The following FAM13A variants were observed in gnomAD, a reference collection of about 807,000 sequenced individuals.
FAM13A encodes family with sequence similarity 13 member A, also known as protein FAM13A.
Under a neutral mutation model 129.6 loss-of-function variants are expected in FAM13A, and 76 were observed. The ratio of observed to expected loss-of-function variants is 0.59; its 90% CI spans 0.49 to 0.71. The LOEUF (loss-of-function observed/expected upper bound fraction) is 0.71, where lower values mean the gene tolerates loss of function less well. Among genes scored for constraint, FAM13A ranks in the 30% least tolerant of loss-of-function variants. FAM13A has a pLI of 0.00. For synonymous variants in FAM13A, 443 were observed against 449.9 expected (o/e 0.98, Z 0.20); for missense variants, 1,108 against 1,249.3 (o/e 0.89, Z 1.70).
chr4:88,812,491 A>G lies in FAM13A; in HGVS notation c.1008-7439T>C, dbSNP rs1036081271. ...AACATATCTCTACAAACCTCATTGC[A>G]CTTTTGCAACTCTTTCCATTTGTAC... On this transcript the variant is annotated intron_variant, in intron 7 of 23. Transcript: ENST00000264344. Among the ~76,000 whole-genome samples, 6 of 152,262 alleles carry G rather than the reference A, an allele frequency of 3.9e-5. No individual in the cohort carries two copies. In the East Asian group the frequency reaches 1.2e-3, roughly 29 times the overall value.
At chr4:88,832,796 T>A (rs150759961) in intron 7 of FAM13A, among the ~76,000 whole-genome samples, 1,670 of 152,282 alleles carry the variant, frequency 0.011, 34 homozygotes, top group African/African-American at 0.038. Flanking sequence ...TGTAAACTAG[T>A]TCAACCATTG....
At chr4:88,795,589 A>G (rs1223849764) in intron 8 of FAM13A, among the ~76,000 whole-genome samples, 1 of 151,846 alleles carries the variant, frequency 6.6e-6, no homozygotes, top group Non-Finnish European at 1.5e-5. Flanking sequence ...AAAATTGAAG[A>G]GCAGAGAATT....
intron 23 of FAM13A, among the ~76,000 whole-genome samples, chr4:88,730,842 C>T (rs1737571624): frequency 1.3e-5 from 2 of 152,130 alleles, no homozygotes; most frequent in Admixed American, 1.3e-4. Context: ...CACTCTATTG[C>T]CCAGAATAGA....
intron 1 of FAM13A, among the ~76,000 whole-genome samples, chr4:89,034,872 A>C (rs542849242): frequency 2.0e-5 from 3 of 152,294 alleles, no homozygotes; most frequent in East Asian, 3.9e-4. Context: ...ACAGAGTGAG[A>C]CTGTCTGAAA....
chr4:88,800,591 AG>A (rs1727234911), intron 8 of FAM13A, among the ~76,000 whole-genome samples: 1 of 151,416 alleles, frequency 6.6e-6, no homozygotes, highest in South Asian at 2.1e-4. Flanking sequence ...AGGCTGAGGC[AG>A]GAGAATCACT....
chr4:89,016,625 T>G (rs1397070514), intron 3 of FAM13A, among the ~76,000 whole-genome samples: 5 of 152,142 alleles, frequency 3.3e-5, no homozygotes, highest in Non-Finnish European at 1.5e-5. Context: ...GTACCTTTTC[T>G]GTTTTCTTTT....
At chr4:88,937,945 T>C (rs190207120) in intron 5 of FAM13A, 143 bp downstream of exon 5, 81 of 613,528 alleles carry the variant, frequency 1.3e-4, no homozygotes, top group Admixed American at 4.6e-4. Context: ...TTTGGAATAA[T>C]AGATTTCATA....
At chr4:88,751,705 A>C (rs1437345547) in intron 14 of FAM13A, among the ~76,000 whole-genome samples, 1 of 152,204 alleles carries the variant, frequency 6.6e-6, no homozygotes, top group Non-Finnish European at 1.5e-5. Flanking sequence ...TGCAAGACTT[A>C]CCTCAATAGA....
At chr4:89,005,946 T>C (rs1764949349) in intron 3 of FAM13A, among the ~76,000 whole-genome samples, 1 of 152,226 alleles carries the variant, frequency 6.6e-6, no homozygotes, top group Non-Finnish European at 1.5e-5. Context: ...TTTGCTTTTG[T>C]TGTGATTGTT....
chr4:88,776,299 C>A (rs1347212947), intron 11 of FAM13A, among the ~76,000 whole-genome samples: 1 of 152,046 alleles, frequency 6.6e-6, no homozygotes, highest in Non-Finnish European at 1.5e-5. Context: ...TGCTTCATAA[C>A]CTATTTTTAT....
At chr4:88,764,061 T>C (rs911446366) in intron 13 of FAM13A, among the ~76,000 whole-genome samples, 2 of 152,194 alleles carry the variant, frequency 1.3e-5, no homozygotes, top group Non-Finnish European at 2.9e-5. Context: ...TCAGGGCAAA[T>C]AAAAGCCTGC....
intron 1 of FAM13A, among the ~76,000 whole-genome samples, chr4:89,043,245 C>A (rs1015677140): frequency 2.0e-5 from 3 of 152,052 alleles, no homozygotes; most frequent in Non-Finnish European, 4.4e-5. Flanking sequence ...TACAGGCACA[C>A]CAAGGTGGCA....
intron 19 of FAM13A, among the ~76,000 whole-genome samples, chr4:88,746,385 G>A (rs962693244): frequency 7.9e-5 from 12 of 152,114 alleles, no homozygotes; most frequent in Non-Finnish European, 1.3e-4. Context: ...AATGCTTCCC[G>A]TTGTTATGAA....
chr4:88,979,917 G>A (rs1761441405), intron 4 of FAM13A, among the ~76,000 whole-genome samples: 1 of 152,170 alleles, frequency 6.6e-6, no homozygotes, highest in African/African-American at 2.4e-5. Context: ...GTTGCAGTGA[G>A]TGGAAATCAT....
chr4:88,835,850 C>T (rs914389416), intron 7 of FAM13A, among the ~76,000 whole-genome samples: 1 of 152,076 alleles, frequency 6.6e-6, no homozygotes, highest in African/African-American at 2.4e-5. Context: ...ACCTGCTGCT[C>T]ACCTCCTAGT....
intron 2 of FAM13A, among the ~76,000 whole-genome samples, chr4:89,020,970 A>G (rs1767180688): frequency 6.6e-6 from 1 of 152,226 alleles, no homozygotes; most frequent in South Asian, 2.1e-4. Flanking sequence ...TCATTTATAT[A>G]ATCTTCTAGA....
At chr4:88,844,986 A>C (rs1736404326) in intron 7 of FAM13A, among the ~76,000 whole-genome samples, 1 of 152,206 alleles carries the variant, frequency 6.6e-6, no homozygotes, top group Non-Finnish European at 1.5e-5. Flanking sequence ...AATGGGAAAC[A>C]CAGAACCAGA....
chr4:88,917,972 C>A (rs1750374973), intron 5 of FAM13A, among the ~76,000 whole-genome samples: 1 of 152,166 alleles, frequency 6.6e-6, no homozygotes, highest in African/African-American at 2.4e-5. Context: ...GCCGACTCTC[C>A]CAGTGGCAGT....
intron 11 of FAM13A, among the ~76,000 whole-genome samples, chr4:88,773,382 C>T (rs1423222959): frequency 6.6e-6 from 1 of 152,190 alleles, no homozygotes; most frequent in Non-Finnish European, 1.5e-5. Context: ...CTTAATCAGG[C>T]TCTTCCTGCC....
Sources: allele counts gnomAD v4.1 joint callset (sites outside exome capture counted in the v4.1 genomes callset), GRCh38; gene constraint gnomAD v4.1.1; transcripts MANE v1.5; gene names NCBI Gene and HGNC (gene_info 2026-07-23, HGNC 2026-07-21).